Variants in CREB3L2 observed in about 807,000 individuals in gnomAD.
CREB3L2 encodes the protein cAMP responsive element binding protein 3 like 2.
Under a neutral mutation model 57.2 loss-of-function variants are expected in CREB3L2, and 23 were observed. That is an observed-to-expected ratio of 0.40 (90% CI 0.29 to 0.57). The LOEUF is 0.57. CREB3L2 is among the 20% of genes least tolerant of loss of function. The pLI is 0.42. For missense variants in CREB3L2, 628 were observed against 634.7 expected, an observed-to-expected ratio of 0.99 and a Z score of 0.11; for synonymous variants, 268 against 265.1, an observed-to-expected ratio of 1.01 and a Z score of -0.11.
rs1487013233 is a variant in CREB3L2 at position 137,878,508 on chromosome 7, G to A, written c.*1968C>T. On this transcript the variant is annotated 3_prime_UTR_variant, in exon 12 of 12. Coordinates refer to ENST00000330387, the MANE Select transcript of CREB3L2 (RefSeq NM_194071.4). ...CACCAGCCAGGCCCAACAGGATCTG[G>A]GCTGCAGACAGTGGAGCAGAGAGAA... The A allele has an allele frequency of 1.3e-5, 3 of 233,522 alleles. No homozygotes were observed. Among genetic ancestry groups the A allele is most frequent in the African/African-American group, 6.6e-5 (3 of 45,328 alleles). The allele number at this position is 233,522 out of a possible 1,614,324, so 14.5% of individuals were successfully genotyped here.
At chr7:137,972,993 C>T (rs1223985839) in intron 1 of CREB3L2, among the ~76,000 whole-genome samples, 3 of 151,026 alleles carry the variant, frequency 2.0e-5, no homozygotes, top group Non-Finnish European at 4.4e-5. Flanking sequence ...AGGAAAGAAG[C>T]TTCAGGGCCT....
rs1363658362 is a variant in CREB3L2, at chr7:137,878,904, CGT to C, written c.*1570_*1571del. On this transcript the variant is annotated 3_prime_UTR_variant, in exon 12 of 12. Coordinates refer to ENST00000330387, the MANE Select transcript of CREB3L2 (RefSeq NM_194071.4). ...CAGGCTCCAATAACAATGCAGATGA[CGT>C]GTGTGGGGGTGGGTGGTGGGGGGAG... 1.2e-4 allele frequency: 39 copies of C among 315,560 alleles called. No homozygotes were observed. Among genetic ancestry groups the C allele is most frequent in the African/African-American group, 9.2e-4 (37 of 40,308 alleles). 19.5% of individuals were successfully genotyped at this position (315,560 alleles called of 1,614,324 possible).
intron 1 of CREB3L2, among the ~76,000 whole-genome samples, chr7:137,985,134 A>G (rs1801770551): frequency 6.6e-6 from 1 of 152,232 alleles, no homozygotes; most frequent in South Asian, 2.1e-4. Flanking sequence ...CAATTGCCAA[A>G]GCAATAATAA....
intron 8 of CREB3L2, among the ~76,000 whole-genome samples, chr7:137,900,782 C>A (rs374270107): frequency 6.6e-6 from 1 of 151,404 alleles, no homozygotes; most frequent in Non-Finnish European, 1.5e-5. Flanking sequence ...CCAGCCTGGG[C>A]GACAGAGCAA....
At position 137,878,341 on chromosome 7, in the gene CREB3L2, C is replaced by T. The variant is rs1458029843; in HGVS notation, c.*2135G>A. ...TCACTTCTGCCCCTAAATTTGAAAC[C>T]TTTCCTTCCTCATTGCCCAAATGCT... On this transcript the variant is annotated 3_prime_UTR_variant, in exon 12 of 12. Transcript: ENST00000330387. 2 of 232,888 alleles carry T rather than the reference C, an allele frequency of 8.6e-6. No homozygotes were observed. The highest frequency in any genetic ancestry group is 1.7e-5 in the Non-Finnish European group (2 of 117,918). The allele number at this position is 232,888 out of a possible 1,614,324, so 14.4% of individuals were successfully genotyped here.
intron 1 of CREB3L2, among the ~76,000 whole-genome samples, chr7:137,943,583 C>A (rs1445490196): frequency 6.6e-6 from 1 of 152,172 alleles, no homozygotes; most frequent in East Asian, 1.9e-4. Flanking sequence ...TTATGCAGAA[C>A]CTCCATGAGA....
rs373570251 is a variant in CREB3L2, at chr7:137,982,410, G to C, written c.102+19194C>G. On this transcript the variant is annotated intron_variant, in intron 1 of 11. Coordinates refer to ENST00000330387, the MANE Select transcript of CREB3L2 (RefSeq NM_194071.4). The stretch of plus-strand genomic sequence containing the variant: ...GTTGAATTGTGTTCCCTGCTGATGT[G>C]ATTTGGCTGTGTCCCCACCCAAATC... Among the ~76,000 whole-genome samples, 24 of 150,208 alleles carry C rather than the reference G, an allele frequency of 1.6e-4. No homozygotes were observed. In the South Asian group the frequency reaches 5.0e-3, roughly 31 times the overall value.
At chr7:137,937,684 C>T (rs1471436) in intron 1 of CREB3L2, among the ~76,000 whole-genome samples, 13,904 of 152,102 alleles carry the variant, frequency 0.091, 939 homozygotes, top group Admixed American at 0.22. Flanking sequence ...GGCTGAGCTT[C>T]GAACTCTTTA....
At chr7:137,922,465 T>C in intron 2 of CREB3L2, 1 of 126,240 alleles carries the variant, frequency 7.9e-6, no homozygotes. Context: ...CACACATATA[T>C]ATATACACAC....
intron 1 of CREB3L2, among the ~76,000 whole-genome samples, chr7:137,969,272 A>C (rs1263017015): frequency 6.6e-6 from 1 of 152,062 alleles, no homozygotes; most frequent in African/African-American, 2.4e-5. Flanking sequence ...AACTAGGGCA[A>C]TTTGAACATG....
chr7:137,937,885 A>T (rs1800817868), intron 1 of CREB3L2, among the ~76,000 whole-genome samples: 1 of 149,714 alleles, frequency 6.7e-6, no homozygotes, highest in Non-Finnish European at 1.5e-5. Context: ...TATCCAGATG[A>T]ACCTTTTTTT....
At chr7:137,938,745 T>TC (rs1800835414) in intron 1 of CREB3L2, among the ~76,000 whole-genome samples, 1 of 152,204 alleles carries the variant, frequency 6.6e-6, no homozygotes, top group Non-Finnish European at 1.5e-5. Context: ...CCATACTAAT[T>TC]CCTTTTAAAC....
intron 1 of CREB3L2, among the ~76,000 whole-genome samples, chr7:137,972,284 C>G (rs574776122): frequency 2.0e-5 from 3 of 151,962 alleles, no homozygotes; most frequent in Non-Finnish European, 4.4e-5. Context: ...ACTAAAAATA[C>G]AAAAATTAGC....
At chr7:137,983,472 C>A (rs138996305) in intron 1 of CREB3L2, among the ~76,000 whole-genome samples, 1 of 152,330 alleles carries the variant, frequency 6.6e-6, no homozygotes, top group African/African-American at 2.4e-5. Flanking sequence ...CTGCATCCAT[C>A]AAGGAATCCA....
Position 137,875,185 on chromosome 7 carries a change from A to C in CREB3L2, c.*5291T>G, listed in dbSNP as rs1391655104. On this transcript the variant is annotated 3_prime_UTR_variant, in exon 12 of 12. Transcript: ENST00000330387. ...ACAGACTCACAACGTATTTAGATTT[A>C]AACACTGCTGGTCTACGTAACCTGT... is the stretch of plus-strand genomic sequence containing the variant. 1 of 210,210 alleles carries C rather than the reference A, an allele frequency of 4.8e-6. No homozygotes were observed. The highest frequency in any genetic ancestry group is 9.7e-6 in the Non-Finnish European group (1 of 103,396). 13.0% of individuals were successfully genotyped at this position (210,210 alleles called of 1,614,324 possible). A position where few individuals can be genotyped will look rare whatever the true frequency, so the allele number is the denominator to read the frequency against.
chr7:137,968,265 G>A (rs1160720801), intron 1 of CREB3L2, among the ~76,000 whole-genome samples: 4 of 151,246 alleles, frequency 2.6e-5, no homozygotes, highest in Non-Finnish European at 5.9e-5. Context: ...CAACGTGCAG[G>A]TTTGTTACAT....
intron 1 of CREB3L2, among the ~76,000 whole-genome samples, chr7:137,932,900 T>C (rs971420674): frequency 1.3e-5 from 2 of 152,168 alleles, no homozygotes; most frequent in Admixed American, 6.5e-5. Flanking sequence ...TGCAGATAAA[T>C]TACCTGGGGC....
At chr7:137,991,159 T>C (rs1024437462) in intron 1 of CREB3L2, among the ~76,000 whole-genome samples, 12 of 151,746 alleles carry the variant, frequency 7.9e-5, no homozygotes, top group African/African-American at 2.4e-4. Context: ...TTGTTTTACA[T>C]AGCTTTTTTT....
chr7:137,952,204 CA>C (rs931444947), intron 1 of CREB3L2, among the ~76,000 whole-genome samples: 59 of 152,308 alleles, frequency 3.9e-4, no homozygotes, highest in African/African-American at 1.4e-3. Context: ...AGCAGCCCTA[CA>C]AAAAGGTAAT....
Sources: gnomAD v4.1 joint callset for allele counts (sites outside exome capture counted in the v4.1 genomes callset) on GRCh38, gnomAD v4.1.1 for gene constraint, MANE v1.5 for transcripts, NCBI Gene and HGNC (gene_info 2026-07-23, HGNC 2026-07-21) for gene names.